TRDN: variants seen among roughly 807,000 people sequenced by gnomAD.
TRDN encodes the protein triadin.
A neutral mutation model predicts 149.7 loss-of-function variants in TRDN; 161 were observed. That is an observed-to-expected ratio of 1.08 (90% CI 0.95 to 1.23). The LOEUF is 1.23. Ranked by LOEUF, TRDN falls within the 50% of genes most tolerant of loss-of-function variation. The probability of loss-of-function intolerance (pLI) is 0.00; values close to 1 mark genes in which losing one functional copy is unlikely to be tolerated. For synonymous variants in TRDN, 294 were observed against 250.5 expected, an observed-to-expected ratio of 1.17 and a Z score of -1.64; for missense variants, 896 against 823.5, an observed-to-expected ratio of 1.09 and a Z score of -1.08.
At chr6:123,254,905 T>A in intron 37 of TRDN, 176 bp downstream of exon 37, 1 of 540,130 alleles carries the variant, frequency 1.9e-6, no homozygotes, top group Non-Finnish European at 3.4e-6. Flanking sequence ...TTTTCTTATT[T>A]TCTATTGAAA....
chr6:123,627,701 A>G (rs1025706792), intron 1 of TRDN, among the ~76,000 whole-genome samples: 2 of 152,266 alleles, frequency 1.3e-5, no homozygotes, highest in South Asian at 4.1e-4. Context: ...TCTTCTTCTA[A>G]TAGAGGACTG....
At chr6:123,250,616 C>T (rs1333958624) in intron 38 of TRDN, among the ~76,000 whole-genome samples, 9 of 151,912 alleles carry the variant, frequency 5.9e-5, no homozygotes, top group Non-Finnish European at 1.2e-4. Flanking sequence ...AACAATCATT[C>T]CATGATGTCT....
chr6:123,259,676 AAAC>A lies in TRDN; in HGVS notation c.1832-17_1832-15del. 2 of 1,449,628 alleles carry A rather than the reference AAAC, an allele frequency of 1.4e-6. No homozygotes were observed. Among genetic ancestry groups the A allele is most frequent in the South Asian group, 1.3e-5 (1 of 76,302 alleles). The allele number at this position is 1,449,628 out of a possible 1,614,324, so 89.8% of individuals were successfully genotyped here. On this transcript the variant is annotated splice_polypyrimidine_tract_variant and intron_variant, in intron 34 of 40. Transcript: ENST00000334268. ...TTTTCTTCTTTCCTAGGGGAAAGAAAAACAACAAGAAACCATCATTTTAAAAAA... is the reference window on the plus strand; with the variant it reads ...TTTTCTTCTTTCCTAGGGGAAAGAAAAACAAGAAACCATCATTTTAAAAAA...
chr6:123,541,574 G>C (rs1297216179), intron 4 of TRDN, among the ~76,000 whole-genome samples: 1 of 152,124 alleles, frequency 6.6e-6, no homozygotes, highest in South Asian at 2.1e-4. Flanking sequence ...CCATGCTTGG[G>C]AAAGACAGGT....
At chr6:123,585,044 T>C (rs1303408498) in intron 1 of TRDN, among the ~76,000 whole-genome samples, 2 of 151,518 alleles carry the variant, frequency 1.3e-5, no homozygotes, top group African/African-American at 2.4e-5. Context: ...GATATTGGCA[T>C]TGATTGGAGT....
chr6:123,383,103 A>G (rs1217038715), intron 14 of TRDN, among the ~76,000 whole-genome samples: 1 of 152,030 alleles, frequency 6.6e-6, no homozygotes, highest in African/African-American at 2.4e-5. Flanking sequence ...GACATTCACT[A>G]ATAGTTTGCA....
intron 32 of TRDN, 120 bp from the exon 33 acceptor site, chr6:123,265,458 A>AACTGTTCAACTGT (rs535369834): frequency 5.0e-5 from 29 of 579,604 alleles, no homozygotes; most frequent in African/African-American, 4.9e-4. Flanking sequence ...CTAAACTTAT[A>AACTGTTCAACTGT]TCAACAATGA....
At chr6:123,338,859 T>C (rs1206033278) in intron 21 of TRDN, among the ~76,000 whole-genome samples, 1 of 152,072 alleles carries the variant, frequency 6.6e-6, no homozygotes, top group African/African-American at 2.4e-5. Context: ...ATATAGATAA[T>C]AGGGAAAGAA....
chr6:123,339,367 T>C (rs1373190176), intron 21 of TRDN, among the ~76,000 whole-genome samples: 1 of 152,120 alleles, frequency 6.6e-6, no homozygotes, highest in African/African-American at 2.4e-5. Context: ...TTAGAGTTCT[T>C]ACTTGGCTTA....
At chr6:123,309,307 G>A (rs1182662659) in intron 24 of TRDN, among the ~76,000 whole-genome samples, 1 of 151,698 alleles carries the variant, frequency 6.6e-6, no homozygotes, top group Non-Finnish European at 1.5e-5. Context: ...AATGTCCTTA[G>A]TCCTCTCCTC....
chr6:123,273,437 G>T (rs1582808296), intron 27 of TRDN, 74 bp from the exon 28 acceptor site: 1 of 748,026 alleles, frequency 1.3e-6, no homozygotes, highest in South Asian at 2.7e-5. Flanking sequence ...AATACAACTG[G>T]TTATTGTAAA....
chr6:123,481,473 T>A (rs1177564315), intron 9 of TRDN, among the ~76,000 whole-genome samples: 1 of 151,856 alleles, frequency 6.6e-6, no homozygotes, highest in Non-Finnish European at 1.5e-5. Context: ...AAAACATATT[T>A]GTAATCCTCC....
intron 18 of TRDN, among the ~76,000 whole-genome samples, chr6:123,375,894 T>C (rs1781483169): frequency 6.6e-6 from 1 of 152,132 alleles, no homozygotes; most frequent in Non-Finnish European, 1.5e-5. Flanking sequence ...AAATCAATCA[T>C]CTTGCTCTCC....
chr6:123,339,891 G>A (rs1945290338), intron 21 of TRDN, among the ~76,000 whole-genome samples: 1 of 152,016 alleles, frequency 6.6e-6, no homozygotes, highest in Non-Finnish European at 1.5e-5. Context: ...ACATTTTGAT[G>A]TGCTATTGCC....
chr6:123,626,013 A>G (rs1785643073), intron 1 of TRDN, among the ~76,000 whole-genome samples: 1 of 152,212 alleles, frequency 6.6e-6, no homozygotes, highest in Non-Finnish European at 1.5e-5. Context: ...TTTTACCCAT[A>G]GGAGAATTTC....
rs535961477 is a variant in TRDN, at chr6:123,217,815, C to T, written c.*786G>A. 311 of 152,098 alleles carry T rather than the reference C, an allele frequency of 2.0e-3. 1 individual carries two copies. Among genetic ancestry groups the T allele is most frequent in the African/African-American group, 7.2e-3 (298 of 41,548 alleles). 9.4% of individuals were successfully genotyped at this position (152,098 alleles called of 1,614,324 possible). On this transcript the variant is annotated 3_prime_UTR_variant, in exon 41 of 41. Transcript: ENST00000334268. Reference sequence around the variant, plus strand: ...CCCAGGTGACATTTTTATTAAGACACAGTCTGGAGAAATTTCAGAATTCCA... The same window carrying T: ...CCCAGGTGACATTTTTATTAAGACATAGTCTGGAGAAATTTCAGAATTCCA...
At chr6:123,584,944 T>A (rs908874089) in intron 1 of TRDN, among the ~76,000 whole-genome samples, 2 of 151,992 alleles carry the variant, frequency 1.3e-5, no homozygotes, top group African/African-American at 2.4e-5. Context: ...ATGGGGGAAT[T>A]GTAAGGAGAG....
At chr6:123,327,543 G>A (rs889887069) in intron 23 of TRDN, among the ~76,000 whole-genome samples, 1 of 151,986 alleles carries the variant, frequency 6.6e-6, no homozygotes, top group African/African-American at 2.4e-5. Flanking sequence ...ACATGAAAAT[G>A]TCATCAATAT....
intron 21 of TRDN, chr6:123,349,616 T>C: frequency 8.9e-6 from 8 of 903,592 alleles, no homozygotes; most frequent in Non-Finnish European, 1.1e-5. Flanking sequence ...TTTACTTCAT[T>C]GATTTTAAAT....
Sources: gnomAD v4.1 joint callset for allele counts (sites outside exome capture counted in the v4.1 genomes callset) on GRCh38, gnomAD v4.1.1 for gene constraint, MANE v1.5 for transcripts, NCBI Gene and HGNC (gene_info 2026-07-23, HGNC 2026-07-21) for gene names.